Variants in VPS13B observed in about 807,000 individuals in gnomAD.
The protein encoded by VPS13B is intermembrane lipid transfer protein VPS13B.
In VPS13B, 285 loss-of-function variants were observed where a neutral mutation model predicts 426.4. The observed-to-expected ratio is 0.67, with a 90% CI of 0.61 to 0.74. The LOEUF is 0.74. Ranked by LOEUF, VPS13B falls within the 30% of genes least tolerant of loss-of-function variation. The pLI is 0.00. For synonymous variants in VPS13B, 1,676 were observed against 1,676.4 expected (o/e 1.00, Z 0.01); for missense variants, 4,537 against 4,782.6 (o/e 0.95, Z 1.51).
intron 30 of VPS13B, among the ~76,000 whole-genome samples, chr8:99,538,650 T>C (rs1025376023): frequency 3.3e-5 from 5 of 152,214 alleles, no homozygotes; most frequent in Non-Finnish European, 5.9e-5. Context: ...GATATATCAT[T>C]AATACATTAA....
At chr8:99,780,204 C>G (rs945533161) in intron 42 of VPS13B, among the ~76,000 whole-genome samples, 1 of 151,494 alleles carries the variant, frequency 6.6e-6, no homozygotes, top group Non-Finnish European at 1.5e-5. Context: ...TTCAAATAGC[C>G]ATGTGAAAAA....
intron 54 of VPS13B, 37 bp from the exon 55 acceptor site, chr8:99,848,739 T>C (rs762416378): frequency 5.4e-5 from 86 of 1,598,768 alleles, no homozygotes; most frequent in African/African-American, 6.7e-5. Flanking sequence ...GTGTTTCTTA[T>C]TTCTTTTTAA....
At chr8:99,780,195 T>C (rs1811946341) in intron 42 of VPS13B, among the ~76,000 whole-genome samples, 1 of 152,074 alleles carries the variant, frequency 6.6e-6, no homozygotes, top group Non-Finnish European at 1.5e-5. Context: ...TGCAGCTGGT[T>C]CAAATAGCCA....
At position 99,640,010 on chromosome 8, in the gene VPS13B, T is replaced by C. The variant is rs200125985; in HGVS notation, c.5221-1801T>C. Among the ~76,000 whole-genome samples, 104 of 72,550 alleles carry C rather than the reference T, an allele frequency of 1.4e-3. 2 individuals are homozygous for C. Among genetic ancestry groups the C allele is most frequent in the African/African-American group, 5.6e-3 (103 of 18,336 alleles). 47.6% of individuals were successfully genotyped at this position (72,550 alleles called of 152,430 possible). ...GTAATAATAATAATAATAATAATAA[T>C]AATAATAATAATAATAAGAAGAAGA... On this transcript the variant is annotated intron_variant, in intron 33 of 61. Transcript: ENST00000357162.
chr8:99,355,358 C>T (rs1430216806), intron 19 of VPS13B, among the ~76,000 whole-genome samples: 1 of 152,008 alleles, frequency 6.6e-6, no homozygotes, highest in Admixed American at 6.6e-5. Context: ...TTTGGGAGGC[C>T]GAGGCGGGTA....
chr8:99,470,979 A>G (rs544969364), intron 24 of VPS13B, among the ~76,000 whole-genome samples: 135 of 152,264 alleles, frequency 8.9e-4, no homozygotes, highest in Non-Finnish European at 1.6e-3. Flanking sequence ...CTCATTAGAA[A>G]CCACAGGAGA....
At chr8:99,063,194 C>T (rs191225209) in intron 3 of VPS13B, among the ~76,000 whole-genome samples, 13 of 152,298 alleles carry the variant, frequency 8.5e-5, no homozygotes, top group African/African-American at 3.1e-4. Flanking sequence ...AACTGAGGTA[C>T]CTGGTTCCTC....
intron 3 of VPS13B, among the ~76,000 whole-genome samples, chr8:99,044,381 C>G: frequency 6.7e-6 from 1 of 148,664 alleles, no homozygotes; most frequent in Non-Finnish European, 1.5e-5. Context: ...CCGCGCCCGG[C>G]CTCTTTTTTT....
At chr8:99,055,042 T>TG (rs1268973754) in intron 3 of VPS13B, among the ~76,000 whole-genome samples, 7 of 73,300 alleles carry the variant, frequency 9.5e-5, no homozygotes, top group East Asian at 3.1e-4. Flanking sequence ...TGTTTTTTTT[T>TG]TGTTTTTTTT....
chr8:99,430,707 C>CT (rs1817047922), intron 21 of VPS13B, among the ~76,000 whole-genome samples: 2 of 151,248 alleles, frequency 1.3e-5, no homozygotes, highest in African/African-American at 4.9e-5. Flanking sequence ...AATCCACCCC[C>CT]CCCCCAACTT....
chr8:99,196,673 A>T (rs897893325), intron 17 of VPS13B, among the ~76,000 whole-genome samples: 8 of 152,038 alleles, frequency 5.3e-5, no homozygotes, highest in Non-Finnish European at 7.4e-5. Context: ...TCCTTACCTC[A>T]AGTAATTCAC....
rs1811872738 is a variant in VPS13B at position 99,164,431 on chromosome 8, C to G, written c.2209-5608C>G. Among the ~76,000 whole-genome samples the G allele has an allele frequency of 3.3e-5, 5 of 152,256 alleles. No homozygotes were observed. The South Asian group carries it at 1.0e-3, about 32-fold the overall frequency. On this transcript the variant is annotated intron_variant, in intron 15 of 61. Transcript: ENST00000357162. The stretch of plus-strand genomic sequence containing the variant: ...GGTTAGTGTAAAAACAACACTCTTC[C>G]CCTAAAAAGGTGCAGAGTCCTCCTT...
chr8:99,066,524 T>C (rs959880836), intron 3 of VPS13B, among the ~76,000 whole-genome samples: 4 of 152,214 alleles, frequency 2.6e-5, no homozygotes, highest in Non-Finnish European at 5.9e-5. Context: ...AAGACTTTAA[T>C]GTTAGACCTA....
intron 21 of VPS13B, among the ~76,000 whole-genome samples, chr8:99,396,263 GAAAT>G (rs1262602224): frequency 2.0e-5 from 3 of 151,908 alleles, no homozygotes; most frequent in Non-Finnish European, 4.4e-5. Flanking sequence ...TATATATTTA[GAAAT>G]AAATGATACA....
chr8:99,179,887 C>G (rs1473817245), intron 16 of VPS13B, among the ~76,000 whole-genome samples: 2 of 151,874 alleles, frequency 1.3e-5, no homozygotes, highest in Non-Finnish European at 2.9e-5. Flanking sequence ...TTTTGACAAT[C>G]AAGTTCTATC....
chr8:99,135,790 A>T, intron 11 of VPS13B, 57 bp downstream of exon 11: 1 of 1,605,080 alleles, frequency 6.2e-7, no homozygotes, highest in Non-Finnish European at 8.5e-7. Flanking sequence ...GACACATTGT[A>T]TGAATACTTG....
chr8:99,199,551 C>T (rs1395269012), intron 17 of VPS13B, among the ~76,000 whole-genome samples: 1 of 152,150 alleles, frequency 6.6e-6, no homozygotes, highest in Non-Finnish European at 1.5e-5. Flanking sequence ...TACCCTCCTA[C>T]TTGCTGTCTT....
chr8:99,693,194 A>C (rs1831767919), intron 35 of VPS13B, among the ~76,000 whole-genome samples: 1 of 151,356 alleles, frequency 6.6e-6, no homozygotes, highest in Admixed American at 6.6e-5. Flanking sequence ...ATCTCATTTT[A>C]TGAGGCCAAC....
intron 48 of VPS13B, 82 bp from the exon 49 acceptor site, chr8:99,819,839 T>G: frequency 5.9e-6 from 9 of 1,527,348 alleles, no homozygotes; most frequent in Non-Finnish European, 8.1e-6. Flanking sequence ...GAGCATGGTG[T>G]GTTTGGAATC....
Sources: allele counts gnomAD v4.1 joint callset (sites outside exome capture counted in the v4.1 genomes callset), GRCh38; gene constraint gnomAD v4.1.1; transcripts MANE v1.5; gene names NCBI Gene and HGNC (gene_info 2026-07-23, HGNC 2026-07-21).